The following CDC42BPA variants were observed in gnomAD, a reference collection of about 807,000 sequenced individuals.
The protein encoded by CDC42BPA is CDC42 binding protein kinase alpha.
A neutral mutation model predicts 223.5 loss-of-function variants in CDC42BPA; 80 were observed. That is an observed-to-expected ratio of 0.36 (90% CI 0.30 to 0.43). CDC42BPA has a LOEUF of 0.43. CDC42BPA is among the 20% of genes least tolerant of loss of function. The pLI, the probability that CDC42BPA is intolerant of heterozygous loss-of-function variation, is 1.00. For synonymous variants in CDC42BPA, 694 were observed against 718.6 expected (o/e 0.97, Z 0.55); for missense variants, 1,743 against 2,099.9 (o/e 0.83, Z 3.32).
intron 1 of CDC42BPA, among the ~76,000 whole-genome samples, chr1:227,261,905 C>A (rs1246271149): frequency 6.6e-6 from 1 of 152,028 alleles, no homozygotes; most frequent in Non-Finnish European, 1.5e-5. Flanking sequence ...GAGTCTGAAT[C>A]CATACTGCCC....
intron 12 of CDC42BPA, among the ~76,000 whole-genome samples, chr1:227,115,887 G>A (rs1052342460): frequency 2.1e-5 from 3 of 145,114 alleles, no homozygotes; most frequent in African/African-American, 5.0e-5. Context: ...AAAAAAACAC[G>A]TCAATCTCAC....
chr1:227,112,011 C>A (rs1572877139), intron 14 of CDC42BPA: 1 of 217,584 alleles, frequency 4.6e-6, no homozygotes, highest in East Asian at 9.7e-5. Context: ...TATAGAGGGT[C>A]TGGATATCTA....
intron 2 of CDC42BPA, among the ~76,000 whole-genome samples, chr1:227,250,563 G>C (rs978182414): frequency 6.6e-6 from 1 of 151,830 alleles, no homozygotes; most frequent in African/African-American, 2.4e-5. Flanking sequence ...TGCTTGTTTT[G>C]TACCCTAAAA....
At chr1:227,181,743 G>C (rs535587503) in intron 5 of CDC42BPA, among the ~76,000 whole-genome samples, 1 of 152,234 alleles carries the variant, frequency 6.6e-6, no homozygotes, top group African/African-American at 2.4e-5. Context: ...ATACGTTCAT[G>C]ATAAATGAAT....
intron 1 of CDC42BPA, among the ~76,000 whole-genome samples, chr1:227,267,675 C>A (rs1223719073): frequency 1.3e-5 from 2 of 152,144 alleles, no homozygotes; most frequent in Admixed American, 6.6e-5. Flanking sequence ...AGAAAACTTA[C>A]AATCATGGCA....
At chr1:227,086,481 T>G (rs1379511544) in intron 16 of CDC42BPA, among the ~76,000 whole-genome samples, 1 of 152,172 alleles carries the variant, frequency 6.6e-6, no homozygotes, top group East Asian at 1.9e-4. Context: ...TCATCAATAG[T>G]TGATACGGTC....
intron 4 of CDC42BPA, 26 bp from the exon 5 acceptor site, chr1:227,193,960 C>G (rs770731528): frequency 6.4e-7 from 1 of 1,554,800 alleles, no homozygotes; most frequent in Admixed American, 1.8e-5. Flanking sequence ...ATAAAATGTA[C>G]TCAGTAAACT....
chr1:227,234,045 AT>A (rs904950961), intron 2 of CDC42BPA, among the ~76,000 whole-genome samples: 13 of 152,234 alleles, frequency 8.5e-5, no homozygotes, highest in African/African-American at 2.9e-4. Context: ...TCCTTAAAAT[AT>A]TTTTTTATGT....
intron 35 of CDC42BPA, 147 bp from the exon 36 acceptor site, chr1:226,995,127 T>C (rs1301426512): frequency 1.5e-6 from 1 of 672,066 alleles, no homozygotes; most frequent in Admixed American, 2.8e-5. Flanking sequence ...TGTAGTACCT[T>C]TGCCCTGAGC....
chr1:227,290,590 T>C (rs1689529689), intron 1 of CDC42BPA, among the ~76,000 whole-genome samples: 1 of 152,146 alleles, frequency 6.6e-6, no homozygotes, highest in South Asian at 2.1e-4. Flanking sequence ...CAATAAATAA[T>C]CCAAGATTCA....
At chr1:227,198,448 A>G (rs77793537) in intron 4 of CDC42BPA, among the ~76,000 whole-genome samples, 4,322 of 141,064 alleles carry the variant, frequency 0.031, 273 homozygotes, top group African/African-American at 0.1. Flanking sequence ...CAAAAAAAAA[A>G]AAAAGAAAAG....
Position 227,059,721 on chromosome 1 carries a change from T to G in CDC42BPA, c.2905-7736A>C, listed in dbSNP as rs188353008. Reference sequence around the variant, plus strand: ...GTTGGCAGTAGCAGACTGGAACAAATGAGAACAAAAAGGATCTAGATATTT... The same window carrying G: ...GTTGGCAGTAGCAGACTGGAACAAAGGAGAACAAAAAGGATCTAGATATTT... On this transcript the variant is annotated intron_variant, in intron 21 of 36. Coordinates refer to ENST00000366766, the MANE Select transcript of CDC42BPA (RefSeq NM_001394014.1). Among the ~76,000 whole-genome samples, 192 of 152,164 alleles carry G rather than the reference T, an allele frequency of 1.3e-3. 2 individuals carry two copies. Among genetic ancestry groups the G allele is most frequent in the African/African-American group, 4.3e-3 (177 of 41,532 alleles).
At chr1:227,176,881 A>G (rs1388729156) in intron 5 of CDC42BPA, among the ~76,000 whole-genome samples, 1 of 152,086 alleles carries the variant, frequency 6.6e-6, no homozygotes, top group African/African-American at 2.4e-5. Context: ...CTAGGGTATT[A>G]TAAATCTTTA....
At chr1:227,099,811 T>C (rs951412406) in intron 15 of CDC42BPA, among the ~76,000 whole-genome samples, 1 of 152,164 alleles carries the variant, frequency 6.6e-6, no homozygotes, top group African/African-American at 2.4e-5. Flanking sequence ...CATCCTGTAT[T>C]TATATAATTT....
Position 227,016,127 on chromosome 1 carries a change from G to C in CDC42BPA, c.4810C>G (p.His1604Asp). The C allele has an allele frequency of 6.2e-7, 1 of 1,604,920 alleles. No homozygotes were observed. The highest frequency in any genetic ancestry group is 8.5e-7 in the Non-Finnish European group (1 of 1,172,088). ...SNPTNFNHIA[H>D]MGPGDGIQIL... ...TGTATTCCATCTCCAGGACCCATGT[G>C]TGCTATGTGATTAAAATTAGTTGGA... Residue 1604 changes from histidine to aspartate, a missense_variant, in exon 34 of 37, where the codon CAC becomes GAC. Transcript: ENST00000366766.
chr1:227,123,842 G>GGA (rs142486111), intron 11 of CDC42BPA, among the ~76,000 whole-genome samples: 4 of 151,338 alleles, frequency 2.6e-5, no homozygotes, highest in South Asian at 2.1e-4. Flanking sequence ...GGTAGGGAGG[G>GGA]GAGAGAGAGA....
At chr1:227,206,635 A>C (rs1283041055) in intron 3 of CDC42BPA, among the ~76,000 whole-genome samples, 1 of 152,164 alleles carries the variant, frequency 6.6e-6, no homozygotes, top group Non-Finnish European at 1.5e-5. Flanking sequence ...ATTTTTAGAA[A>C]TGTTTTTGTT....
intron 5 of CDC42BPA, among the ~76,000 whole-genome samples, chr1:227,180,035 G>C (rs1031261212): frequency 2.7e-4 from 41 of 151,944 alleles, no homozygotes; most frequent in Non-Finnish European, 5.4e-4. Context: ...GGTGAAACCT[G>C]TCTCTACTAA....
chr1:227,072,023 GGTCA>G (rs1553324066), intron 20 of CDC42BPA, among the ~76,000 whole-genome samples, 181 bp downstream of exon 20: 1 of 151,738 alleles, frequency 6.6e-6, no homozygotes, highest in Non-Finnish European at 1.5e-5. Context: ...ATGACTCAGA[GGTCA>G]GTCTTCCAAA....
Sources: gnomAD v4.1 joint callset for allele counts (sites outside exome capture counted in the v4.1 genomes callset) on GRCh38, gnomAD v4.1.1 for gene constraint, MANE v1.5 for transcripts, NCBI Gene and HGNC (gene_info 2026-07-23, HGNC 2026-07-21) for gene names.